C3: variants seen among roughly 807,000 people sequenced by gnomAD.
C3 encodes the protein complement C3, also known as C3 and PZP-like alpha-2-macroglobulin domain-containing protein 1.
In C3, 97 loss-of-function variants were observed where a neutral mutation model predicts 207.9. That is an observed-to-expected ratio of 0.47 (90% confidence interval 0.40 to 0.55). The LOEUF (loss-of-function observed/expected upper bound fraction) is 0.55, where lower values mean the gene tolerates loss of function less well. C3 is among the 20% of genes least tolerant of loss of function. The pLI is 0.00. For synonymous variants in C3, 848 were observed against 857.6 expected, an observed-to-expected ratio of 0.99 and a Z score of 0.20; for missense variants, 1,684 against 2,171.7, an observed-to-expected ratio of 0.78 and a Z score of 4.46.
At chr19:6,709,611 T>TTGGCCCCCCCCCC in intron 14 of C3, 73 bp downstream of exon 14, 1 of 1,109,450 alleles carries the variant, frequency 9.0e-7, no homozygotes. Flanking sequence ...CCCTCTCCAG[T>TTGGCCCCCCCCCC]CCCACCCACC....
intron 27 of C3, among the ~76,000 whole-genome samples, chr19:6,689,129 G>A (rs1418021799): frequency 1.3e-5 from 2 of 152,024 alleles, no homozygotes; most frequent in African/African-American, 4.8e-5. Flanking sequence ...ATCAATTTTT[G>A]TATAATCTGG....
At position 6,700,165 on chromosome 19, in the gene C3, A is replaced by G. The variant is rs183988998; in HGVS notation, c.2440+1962T>C. On this transcript the variant is annotated intron_variant, in intron 19 of 40. Coordinates refer to ENST00000245907, the MANE Select transcript of C3 (RefSeq NM_000064.4). ...ATAATTAAATTTCTTATAAATTATA[A>G]TACATATTATATGTTTACATAATAT... Among the ~76,000 whole-genome samples the G allele has an allele frequency of 1.9e-3, 270 of 142,062 alleles. 1 individual carries two copies. Among genetic ancestry groups the G allele is most frequent in the Non-Finnish European group, 3.6e-3 (238 of 66,620 alleles). 93.2% of individuals were successfully genotyped at this position (142,062 alleles called of 152,430 possible). A position where few individuals can be genotyped will look rare whatever the true frequency, so the allele number is the denominator to read the frequency against.
intron 19 of C3, among the ~76,000 whole-genome samples, chr19:6,700,348 T>C (rs1303056224): frequency 2.3e-5 from 1 of 44,086 alleles, no homozygotes. Flanking sequence ...ATATGTAATA[T>C]ATGATATATA....
intron 2 of C3, among the ~76,000 whole-genome samples, chr19:6,718,856 G>A (rs1241874148): frequency 6.8e-6 from 1 of 146,208 alleles, no homozygotes; most frequent in Non-Finnish European, 1.5e-5. Flanking sequence ...GAGTCTCAGA[G>A]AAGGGGAGGA....
intron 33 of C3, chr19:6,682,557 A>G: frequency 2.8e-6 from 1 of 362,168 alleles, no homozygotes; most frequent in Non-Finnish European, 5.3e-6. Context: ...ACTCTGCATG[A>G]TTCAGTTAAA....
rs571668266 is a variant in C3 at position 6,702,142 on chromosome 19, T to C, written c.2425A>G (p.Met809Val). 2.5e-6 allele frequency: 4 copies of C among 1,597,346 alleles called. No individual in the cohort carries two copies. Among genetic ancestry groups the C allele is most frequent in the Non-Finnish European group, 3.4e-6 (4 of 1,165,814 alleles). Residue 809 changes from methionine (M) to valine (V), a missense_variant, in exon 19 of 41, where the codon ATG becomes GTG. Around this residue, in one of 3 missense-constraint regions of C3, gnomAD observed 1,280 missense variants for 1,739.1 expected, o/e 0.74. Transcript: ENST00000245907. ...CCTCTCTCACCTTTCTTGTCCGACA[T>C]GCTCACAGCCAGAATCTCCCACGTG... ...ITTWEILAVS[M>V]SDKKGICVAD... is the part of the protein sequence containing the mutation.
chr19:6,703,977 GA>G (rs1013219155), intron 17 of C3, among the ~76,000 whole-genome samples: 3 of 151,642 alleles, frequency 2.0e-5, no homozygotes, highest in South Asian at 4.2e-4. Context: ...AAAAAACAAA[GA>G]AAAAAACACA....
Position 6,684,839 on chromosome 19 carries a change from A to G in C3, c.3970-5T>C. On this transcript the variant is annotated splice_polypyrimidine_tract_variant and splice_region_variant and intron_variant, in intron 30 of 40. Transcript: ENST00000245907. ...GAAACCCTCATTTTCCTTGGTCTGC[A>G]GAGTGAAAAGAGAGAAGAGAGCATG... The G allele has an allele frequency of 6.2e-7, 1 of 1,614,108 alleles. No homozygotes were observed. The highest frequency in any genetic ancestry group is 1.1e-5 in the South Asian group (1 of 91,082).
At chr19:6,684,068 C>T (rs1167811834) in intron 33 of C3, among the ~76,000 whole-genome samples, 1 of 152,216 alleles carries the variant, frequency 6.6e-6, no homozygotes, top group Non-Finnish European at 1.5e-5. Context: ...CACTGCACTC[C>T]AGCCTGGCTG....
chr19:6,683,444 CTATT>C, intron 33 of C3: 1 of 71,066 alleles, frequency 1.4e-5, no homozygotes, highest in African/African-American at 6.1e-5. Context: ...TTGTTTTATT[CTATT>C]TTTTTTTTTT....
At chr19:6,689,292 A>ACAGTCCCC (rs1451605182) in intron 27 of C3, among the ~76,000 whole-genome samples, 13 of 91,502 alleles carry the variant, frequency 1.4e-4, no homozygotes, top group South Asian at 3.4e-4. Context: ...GTCTGACCCC[A>ACAGTCCCC]CCTCTCCTCT....
chr19:6,711,221 G>C, intron 11 of C3, 25 bp from the exon 12 acceptor site: 5 of 1,595,136 alleles, frequency 3.1e-6, no homozygotes, highest in Non-Finnish European at 4.3e-6. Flanking sequence ...AGGGATGCCT[G>C]CTGGTCGCCG....
At position 6,684,545 on chromosome 19, in the gene C3, C is replaced by T; in HGVS notation, c.4120+15G>A. On this transcript the variant is annotated intron_variant, in intron 32 of 40. Coordinates refer to ENST00000245907, the MANE Select transcript of C3 (RefSeq NM_000064.4). ...GTAGGAGGAAGGTGACAGATAAGGC[C>T]TTGATTCCTTTTACCTGTTTCCGGT... is the stretch of plus-strand genomic sequence containing the variant. 6.2e-7 allele frequency: 1 copy of T among 1,606,238 alleles called. No individual in the cohort carries two copies. Among genetic ancestry groups the T allele is most frequent in the Non-Finnish European group, 8.5e-7 (1 of 1,172,862 alleles).
chr19:6,719,455 C>G lies in C3; in HGVS notation c.75-52G>C. 1 of 1,534,802 alleles carries G rather than the reference C, an allele frequency of 6.5e-7. No individual in the cohort carries two copies. Among genetic ancestry groups the G allele is most frequent in the Non-Finnish European group, 9.0e-7 (1 of 1,110,902 alleles). On this transcript the variant is annotated intron_variant, in intron 1 of 40. Transcript: ENST00000245907. The surrounding 1 kb of genome is among the most constrained non-coding windows in gnomAD (Gnocchi z 5.4). ...CTTGTCATTCCACGGATGTGAGACG[C>G]CAGTCCTCACTGGAGTCAGCGCCTG...
chr19:6,720,626 A>G lies in C3; in HGVS notation c.-37T>C, dbSNP rs200608886. On this transcript the variant is annotated 5_prime_UTR_variant, in exon 1 of 41. Transcript: ENST00000245907. ...AGTGCAGGGTCAGAGGGACAGAGGG[A>G]CAGAGGGAGAGGATGGGGAGGAGTG... 32 of 1,498,474 alleles carry G rather than the reference A, an allele frequency of 2.1e-5. No individual in the cohort carries two copies. The African/African-American group carries it at 4.3e-4, about 20-fold the overall frequency. 92.8% of individuals were successfully genotyped at this position (1,498,474 alleles called of 1,614,324 possible). A position where few individuals can be genotyped will look rare whatever the true frequency, so the allele number is the denominator to read the frequency against.
In C3 at chr19:6,697,753, C is replaced by A. The variant is rs1480297508; in HGVS notation, c.2482G>T (p.Asp828Tyr). The part of the protein sequence containing the change: ...ADPFEVTVMQ[D>Y]FFIDLRLPYS... ...GGTAGCCGCAGGTCGATGAAGAAGT[C>A]CTGCATTACTGTGACCTCGAAGGGG... The change falls in exon 20 of 41, where the codon GAC becomes TAC. Residue 828 changes from aspartate (D) to tyrosine (Y), a missense_variant. Coordinates refer to ENST00000245907, the MANE Select transcript of C3 (RefSeq NM_000064.4). 1.2e-6 allele frequency: 2 copies of A among 1,613,970 alleles called. No individual in the cohort carries two copies. Among genetic ancestry groups the A allele is most frequent in the East Asian group, 4.5e-5 (2 of 44,866 alleles).
chr19:6,719,493 C>G lies in C3; in HGVS notation c.75-90G>C. The G allele has an allele frequency of 8.3e-7, 1 of 1,198,658 alleles. No individual in the cohort carries two copies. The highest frequency in any genetic ancestry group is 1.2e-6 in the Non-Finnish European group (1 of 821,716). The allele number at this position is 1,198,658 out of a possible 1,614,324, so 74.3% of individuals were successfully genotyped here. A position where few individuals can be genotyped will look rare whatever the true frequency, so the allele number is the denominator to read the frequency against. ...GAGTCAGCGCCTGGCAGGCTGTGTG[C>G]CCCAGCCTCTGGTCCTGGAGAGGAT... On this transcript the variant is annotated intron_variant, in intron 1 of 40. Transcript: ENST00000245907. The surrounding 1 kb of genome is among the most constrained non-coding windows in gnomAD (Gnocchi z 5.4).
chr19:6,714,156 C>T lies in C3; in HGVS notation c.682+10G>A. On this transcript the variant is annotated intron_variant, in intron 6 of 40. Transcript: ENST00000245907. ...GGGCACTGACTCCCCCCAGCCCCTC[C>T]TCCTCTTACCGTACTCCTTCACCTC... The T allele has an allele frequency of 6.2e-7, 1 of 1,613,476 alleles. No individual in the cohort carries two copies. The highest frequency in any genetic ancestry group is 1.1e-5 in the South Asian group (1 of 91,070).
chr19:6,707,613 G>T (rs1422273221), intron 15 of C3, 76 bp from the exon 16 acceptor site: 2 of 1,564,708 alleles, frequency 1.3e-6, no homozygotes, highest in Non-Finnish European at 8.8e-7. Flanking sequence ...TCACGATCGT[G>T]TGAGGTGGGG....
Sources: gnomAD v4.1 joint callset for allele counts (sites outside exome capture counted in the v4.1 genomes callset) on GRCh38, gnomAD v4.1.1 for gene constraint, gnomAD v4.1.1 regional missense constraint, Gnocchi (gnomAD v3.1) non-coding constraint, MANE v1.5 for transcripts, NCBI Gene and HGNC (gene_info 2026-07-23, HGNC 2026-07-21) for gene names.